Variants in RBM7 observed in about 807,000 individuals in gnomAD.
RBM7 encodes the protein RNA binding motif protein 7.
RBM7 carries 13 observed loss-of-function variants against 31.0 expected under a neutral mutation model. The ratio of observed to expected loss-of-function variants is 0.42; its 90% confidence interval spans 0.27 to 0.67. The LOEUF (loss-of-function observed/expected upper bound fraction) is 0.67, where lower values mean the gene tolerates loss of function less well. Among genes scored for constraint, RBM7 ranks in the 30% least tolerant of loss-of-function variants. RBM7 has a pLI of 0.24. For missense variants in RBM7, 245 were observed against 326.2 expected (o/e 0.75, Z 1.92); for synonymous variants, 106 against 111.2 (o/e 0.95, Z 0.30).
chr11:114,407,257 T>C (rs1226146394), intron 4 of RBM7, 188 bp from the exon 5 acceptor site: 1 of 516,906 alleles, frequency 1.9e-6, no homozygotes, highest in Admixed American at 3.6e-5. Flanking sequence ...GGACAAAGAG[T>C]AGTATTTATG....
chr11:114,403,079 A>G (rs1946225816), intron 3 of RBM7, among the ~76,000 whole-genome samples, 164 bp downstream of exon 3: 1 of 152,164 alleles, frequency 6.6e-6, no homozygotes, highest in Admixed American at 6.5e-5. Flanking sequence ...TCTAAGGGGT[A>G]TAGAATGTGT....
chr11:114,407,865 A>G lies in RBM7; in HGVS notation c.*58A>G. 1 of 1,495,314 alleles carries G rather than the reference A, an allele frequency of 6.7e-7. No individual in the cohort carries two copies. Among genetic ancestry groups the G allele is most frequent in the Non-Finnish European group, 8.9e-7 (1 of 1,124,672 alleles). 92.6% of individuals were successfully genotyped at this position (1,495,314 alleles called of 1,614,324 possible). On this transcript the variant is annotated 3_prime_UTR_variant, in exon 5 of 5. Coordinates refer to ENST00000375490, the MANE Select transcript of RBM7 (RefSeq NM_001286045.2). ...CATTTTAGGCCCTTTGACTAAGTTGATATGGAAATATTTTGTTGAAAAACT... is the reference window on the plus strand; with the variant it reads ...CATTTTAGGCCCTTTGACTAAGTTGGTATGGAAATATTTTGTTGAAAAACT...
At chr11:114,402,721 T>C in intron 2 of RBM7, 107 bp from the exon 3 acceptor site, 2 of 987,332 alleles carry the variant, frequency 2.0e-6, no homozygotes, top group Admixed American at 3.7e-5. Flanking sequence ...TTGAGATTTT[T>C]CTCTTTTAGA....
intron 3 of RBM7, 83 bp from the exon 4 acceptor site, chr11:114,405,623 C>T: frequency 1.1e-6 from 1 of 917,456 alleles, no homozygotes; most frequent in Non-Finnish European, 1.6e-6. Context: ...TTCATTCCGA[C>T]CTTTGAGAAA....
In RBM7 at chr11:114,410,606, G is replaced by A. The variant is rs1396725169; in HGVS notation, c.*2799G>A. 1.3e-5 allele frequency: 2 copies of A among 152,162 alleles called. No individual in the cohort carries two copies. Among genetic ancestry groups the A allele is most frequent in the East Asian group, 3.9e-4 (2 of 5,192 alleles). The allele number at this position is 152,162 out of a possible 1,614,324, so 9.4% of individuals were successfully genotyped here. ...CCTGAATAAAGCTTCAGTGGCCTCT[G>A]ACTTAAGTACAAAATTCTCAACTTA... On this transcript the variant is annotated 3_prime_UTR_variant, in exon 5 of 5. Coordinates refer to ENST00000375490, the MANE Select transcript of RBM7 (RefSeq NM_001286045.2).
At position 114,402,838 on chromosome 11, in the gene RBM7, T is replaced by C. The variant is rs1946222620; in HGVS notation, c.270T>C (p.His90=). The change falls in exon 3 of 5, where the codon CAT becomes CAC. Residue 90 remains histidine (H), a synonymous_variant. Transcript: ENST00000375490. ...IKIQFRSGSS[H]APQDVSLSYP... ...ATTGTTTCATTTTAGGAAGTAGTCATGCCCCACAAGATGTCAGTTTGTCAT... is the reference window on the plus strand; with the variant it reads ...ATTGTTTCATTTTAGGAAGTAGTCACGCCCCACAAGATGTCAGTTTGTCAT... 6.2e-7 allele frequency: 1 copy of C among 1,612,368 alleles called. No individual in the cohort carries two copies. The highest frequency in any genetic ancestry group is 8.5e-7 in the Non-Finnish European group (1 of 1,178,526).
chr11:114,405,885 T>C, intron 4 of RBM7, 86 bp downstream of exon 4: 1 of 945,070 alleles, frequency 1.1e-6, no homozygotes, highest in Non-Finnish European at 1.6e-6. Flanking sequence ...AACTGGTTTT[T>C]AATTAACTTT....
At chr11:114,403,639 G>C (rs1445135753) in intron 3 of RBM7, among the ~76,000 whole-genome samples, 1 of 152,120 alleles carries the variant, frequency 6.6e-6, no homozygotes, top group Non-Finnish European at 1.5e-5. Flanking sequence ...CATATGTCAG[G>C]TTCTTCACCA....
intron 3 of RBM7, among the ~76,000 whole-genome samples, chr11:114,403,772 G>T (rs1036124857): frequency 2.6e-5 from 4 of 152,188 alleles, no homozygotes; most frequent in African/African-American, 9.7e-5. Flanking sequence ...CTCAGGTTCA[G>T]TGGGCTGGGA....
chr11:114,404,950 A>G (rs992068391), intron 3 of RBM7, among the ~76,000 whole-genome samples: 12 of 152,238 alleles, frequency 7.9e-5, no homozygotes, highest in Admixed American at 2.0e-4. Context: ...TAAATAGGGA[A>G]TAAGGTATAA....
chr11:114,401,759 C>T lies in RBM7; in HGVS notation c.158C>T (p.Ala53Val). Residue 53 changes from alanine (A) to valine (V), a missense_variant, in exon 2 of 5, where the codon GCG (alanine) becomes GTG (valine). By Grantham distance (64) the Ala-to-Val change is moderately conservative (BLOSUM62 0). Coordinates refer to ENST00000375490, the MANE Select transcript of RBM7 (RefSeq NM_001286045.2). The stretch of plus-strand genomic sequence containing the variant: ...AAGGATGGTAAACCAAAGCAGTTTG[C>T]GTTTGTGAATTTCAAACATGAAGTG... ...KDKDGKPKQFAFVNFKHEVSV... is the reference protein window; with the variant it reads ...KDKDGKPKQFVFVNFKHEVSV... 3 of 1,585,578 alleles carry T rather than the reference C, an allele frequency of 1.9e-6. No homozygotes were observed. Among genetic ancestry groups the T allele is most frequent in the South Asian group, 1.2e-5 (1 of 85,372 alleles).
chr11:114,403,186 G>A (rs1481692029), intron 3 of RBM7, among the ~76,000 whole-genome samples: 1 of 152,158 alleles, frequency 6.6e-6, no homozygotes, highest in Non-Finnish European at 1.5e-5. Flanking sequence ...ACCCACATAT[G>A]TGTACAGTAC....
intron 1 of RBM7, among the ~76,000 whole-genome samples, 192 bp downstream of exon 1, chr11:114,400,959 G>A (rs899288539): frequency 6.6e-5 from 10 of 152,230 alleles, no homozygotes; most frequent in Non-Finnish European, 1.2e-4. Context: ...CGTTTAGGCC[G>A]AAAGTGACGA....
Position 114,407,954 on chromosome 11 carries a change from A to G in RBM7, c.*147A>G. 2.1e-6 allele frequency: 2 copies of G among 956,586 alleles called. No individual in the cohort carries two copies. The highest frequency in any genetic ancestry group is 2.9e-6 in the Non-Finnish European group (2 of 682,032). The allele number at this position is 956,586 out of a possible 1,614,324, so 59.3% of individuals were successfully genotyped here. On this transcript the variant is annotated 3_prime_UTR_variant, in exon 5 of 5. Coordinates refer to ENST00000375490, the MANE Select transcript of RBM7 (RefSeq NM_001286045.2). The stretch of plus-strand genomic sequence containing the variant: ...AATTTTTTTAAAGCTACAGTTTAAT[A>G]CAAAATGAATTGCGGTTTTATTACA...
intron 2 of RBM7, chr11:114,402,126 G>A: frequency 3.2e-6 from 1 of 316,896 alleles, no homozygotes. Context: ...CTGGGCTTGG[G>A]TACTCTGAAA....
chr11:114,401,553 C>T (rs1946201351), intron 1 of RBM7, 145 bp from the exon 2 acceptor site: 1 of 692,200 alleles, frequency 1.4e-6, no homozygotes, highest in East Asian at 3.2e-5. Context: ...TTACTGTAGC[C>T]AAAATGGAAA....
chr11:114,409,767 A>G lies in RBM7; in HGVS notation c.*1960A>G, dbSNP rs1946314490. The G allele has an allele frequency of 6.6e-6, 1 of 152,180 alleles. No individual in the cohort carries two copies. Among genetic ancestry groups the G allele is most frequent in the African/African-American group, 2.4e-5 (1 of 41,422 alleles). 9.4% of individuals were successfully genotyped at this position (152,180 alleles called of 1,614,324 possible). On this transcript the variant is annotated 3_prime_UTR_variant, in exon 5 of 5. Coordinates refer to ENST00000375490, the MANE Select transcript of RBM7 (RefSeq NM_001286045.2). The stretch of plus-strand genomic sequence containing the variant: ...AATAATCTTTTTCAATGGCTTTTTG[A>G]GGGAAGCTTGTGAAGTTCTGGTGAA...
At chr11:114,407,275 A>T (rs1946277169) in intron 4 of RBM7, 170 bp from the exon 5 acceptor site, 1 of 601,758 alleles carries the variant, frequency 1.7e-6, no homozygotes, top group African/African-American at 1.8e-5. Context: ...ATGTATATAT[A>T]TGTATCTTGT....
Position 114,400,755 on chromosome 11 carries a change from G to A in RBM7, c.84G>A (p.Glu28=). 1.2e-6 allele frequency: 2 copies of A among 1,614,216 alleles called. No individual in the cohort carries two copies. The highest frequency in any genetic ancestry group is 8.5e-7 in the Non-Finnish European group (1 of 1,180,040). ...AAGTGACCGAGGAGCTCCTTTTCGA[G>A]CTTTTCCACCAGGTAAGCGGCTGGG... The part of the protein sequence containing the change: ...ETKVTEELLF[E]LFHQAGPVIK... Residue 28 remains glutamate (E), a synonymous_variant, in exon 1 of 5, where the codon GAG becomes GAA. Transcript: ENST00000375490.
Sources: allele counts gnomAD v4.1 joint callset (sites outside exome capture counted in the v4.1 genomes callset), GRCh38; gene constraint gnomAD v4.1.1; transcripts MANE v1.5; gene names NCBI Gene and HGNC (gene_info 2026-07-23, HGNC 2026-07-21).